Variants in EIF4A3 observed in about 807,000 individuals in gnomAD.
The protein encoded by EIF4A3 is eukaryotic initiation factor 4A-III.
A neutral mutation model predicts 55.6 loss-of-function variants in EIF4A3; 1 was observed. The observed-to-expected ratio is 0.02, with a 90% CI of 0.01 to 0.09. The LOEUF is 0.09. EIF4A3 is among the 10% of genes least tolerant of loss of function. The probability of loss-of-function intolerance (pLI) is 1.00; values close to 1 mark genes in which losing one functional copy is unlikely to be tolerated. For missense variants in EIF4A3, 221 were observed against 540.7 expected, an observed-to-expected ratio of 0.41 and a Z score of 5.86; for synonymous variants, 194 against 196.3, an observed-to-expected ratio of 0.99 and a Z score of 0.10.
intron 7 of EIF4A3, chr17:80,138,767 TTTA>T: frequency 2.2e-6 from 1 of 449,882 alleles, no homozygotes; most frequent in East Asian, 4.3e-5. Flanking sequence ...TGGCTAATTT[TTTA>T]TTATTGGTAG....
Position 80,146,820 on chromosome 17 carries a change from C to G in EIF4A3, c.142G>C (p.Asp48His), listed in dbSNP as rs2039668696. Residue 48 changes from aspartate to histidine, a missense_variant, in exon 1 of 12, where the codon GAC becomes CAC. Around this residue, in one of 4 missense-constraint regions of EIF4A3, gnomAD observed 85 missense variants for 205.8 expected, o/e 0.41. Coordinates refer to ENST00000649764, the MANE Select transcript of EIF4A3 (RefSeq NM_014740.4). Reference sequence around the variant, plus strand: ...TAAGCGTAGATGCCCCGCAGCAGGTCCTCCCGCAGGCCCATGGTGTCGAAC... The same window carrying G: ...TAAGCGTAGATGCCCCGCAGCAGGTGCTCCCGCAGGCCCATGGTGTCGAAC... ...PTFDTMGLRE[D>H]LLRGIYAYGF... 1 of 1,610,566 alleles carries G rather than the reference C, an allele frequency of 6.2e-7. No individual in the cohort carries two copies. Among genetic ancestry groups the G allele is most frequent in the Non-Finnish European group, 8.5e-7 (1 of 1,179,046 alleles).
At chr17:80,136,673 G>C (rs1157462419) in intron 9 of EIF4A3, 3 of 253,098 alleles carry the variant, frequency 1.2e-5, no homozygotes, top group African/African-American at 2.2e-5. Flanking sequence ...ATTAAAAACG[G>C]TAACTTCAGC....
chr17:80,146,750 C>T (rs2039667454), intron 1 of EIF4A3, 43 bp downstream of exon 1: 3 of 1,586,664 alleles, frequency 1.9e-6, no homozygotes, highest in African/African-American at 1.4e-5. Context: ...CGGCTCGCCC[C>T]CGACTCGCCC....
intron 3 of EIF4A3, 184 bp downstream of exon 3, chr17:80,141,598 T>A: frequency 1.4e-6 from 1 of 730,150 alleles, no homozygotes; most frequent in Non-Finnish European, 2.2e-6. Context: ...TCTAGTTAAA[T>A]AGAAAATCAT....
intron 3 of EIF4A3, 129 bp downstream of exon 3, chr17:80,141,652 TG>T: frequency 1.2e-6 from 1 of 859,630 alleles, no homozygotes. Flanking sequence ...TAAGACTCTG[TG>T]TAAAAATTTG....
intron 8 of EIF4A3, 133 bp downstream of exon 8, chr17:80,138,009 C>T (rs2039586951): frequency 1.7e-6 from 2 of 1,208,554 alleles, no homozygotes; most frequent in Admixed American, 2.3e-5. Flanking sequence ...GCTGCTTTTA[C>T]AAGAGAACAC....
Position 80,146,827 on chromosome 17 carries a change from C to T in EIF4A3, c.135G>A (p.Leu45=). The T allele has an allele frequency of 1.9e-6, 3 of 1,610,946 alleles. No individual in the cohort carries two copies. The highest frequency in any genetic ancestry group is 2.2e-5 in the East Asian group (1 of 44,672). The part of the protein sequence containing the change: ...DVTPTFDTMG[L]REDLLRGIYA... ...AGATGCCCCGCAGCAGGTCCTCCCG[C>T]AGGCCCATGGTGTCGAACGTGGGGG... is the stretch of plus-strand genomic sequence containing the variant. Residue 45 remains leucine (L), a synonymous_variant, in exon 1 of 12, where the codon CTG becomes CTA. Transcript: ENST00000649764.
At position 80,139,753 on chromosome 17, in the gene EIF4A3, A is replaced by G. The variant is rs1489016437; in HGVS notation, c.506-3T>C. On this transcript the variant is annotated splice_polypyrimidine_tract_variant and splice_region_variant and intron_variant, in intron 5 of 11. Transcript: ENST00000649764. ...TAGGCTTCTGCGACGAATCATATCT[A>G]TAACATGAGATTTTGAAATACTTAC... 8 of 1,612,020 alleles carry G rather than the reference A, an allele frequency of 5.0e-6. No individual in the cohort carries two copies. Among genetic ancestry groups the G allele is most frequent in the South Asian group, 2.2e-5 (2 of 90,514 alleles).
At chr17:80,140,163 G>A (rs1265712754) in intron 4 of EIF4A3, 23 bp from the exon 5 acceptor site, 8 of 1,560,584 alleles carry the variant, frequency 5.1e-6, no homozygotes, top group Middle Eastern at 3.5e-4. Flanking sequence ...ACAGGTTCAC[G>A]TCCAGGGTGG....
chr17:80,139,188 G>C, intron 6 of EIF4A3, 26 bp from the exon 7 acceptor site: 1 of 1,612,604 alleles, frequency 6.2e-7, no homozygotes, highest in Non-Finnish European at 8.5e-7. Flanking sequence ...AGACAGGTGA[G>C]GGATGTTTAG....
intron 4 of EIF4A3, 33 bp from the exon 5 acceptor site, chr17:80,140,173 G>C: frequency 6.6e-7 from 1 of 1,507,778 alleles, no homozygotes; most frequent in Non-Finnish European, 8.9e-7. Flanking sequence ...GTCCAGGGTG[G>C]GAGAGAGAAA....
rs753145766 is a variant in EIF4A3 at position 80,136,313 on chromosome 17, C to T, written c.1006G>A (p.Val336Ile). The T allele has an allele frequency of 2.5e-6, 4 of 1,614,004 alleles. No individual in the cohort carries two copies. The highest frequency in any genetic ancestry group is 2.2e-5 in the East Asian group (1 of 44,886). ...GASRVLISTD[V>I]WARGLDVPQV... ...GGGACATCCAACCCCCTGGCCCAGA[C>T]ATCTGTAGAAATAAGCACTCGGCTG... Residue 336 changes from valine to isoleucine, a missense_variant, in exon 10 of 12, where the codon GTC (valine) becomes ATC (isoleucine). Val to Ile is a conservative substitution (Grantham distance 29). This residue lies in a region of EIF4A3 where 93 missense variants were observed against 278.5 expected (regional missense o/e 0.33). Transcript: ENST00000649764.
rs2361710 is a variant in EIF4A3 at position 80,138,078 on chromosome 17, T to C, written c.867+64A>G. The C allele has an allele frequency of 0.48, 756,906 of 1,570,144 alleles. 184,373 individuals carry two copies. Among genetic ancestry groups the C allele is most frequent in the East Asian group, 0.65 (28,551 of 44,258 alleles). On this transcript the variant is annotated intron_variant, in intron 8 of 11. Coordinates refer to ENST00000649764, the MANE Select transcript of EIF4A3 (RefSeq NM_014740.4). ...CCCTTTACTGAAAAATCTTGATTTA[T>C]GTCATTCAGAGACTCAATCTGCAGT...
chr17:80,139,036 C>T lies in EIF4A3; in HGVS notation c.713G>A (p.Arg238His), dbSNP rs11559244. Residue 238 changes from arginine (R) to histidine (H), a missense_variant, in exon 7 of 12, where the codon CGC becomes CAC. Transcript: ENST00000649764. ...MTNKFMTDPI[R>H]ILVKRDELTL... is the part of the protein sequence containing the mutation. ...GGGCTCCTACCGTTTCACCAAGATG[C>T]GGATTGGGTCGGTCATGAACTTGTT... The T allele has an allele frequency of 1.9e-6, 3 of 1,613,112 alleles. No homozygotes were observed. The highest frequency in any genetic ancestry group is 1.1e-5 in the South Asian group (1 of 91,016).
intron 1 of EIF4A3, among the ~76,000 whole-genome samples, chr17:80,145,117 G>A (rs2039648967): frequency 6.6e-6 from 1 of 152,180 alleles, no homozygotes; most frequent in African/African-American, 2.4e-5. Context: ...ACATAGATGG[G>A]AAACTAACAA....
rs139730121 is a variant in EIF4A3, at chr17:80,144,509, T to TA, written c.170-266dup. On this transcript the variant is annotated intron_variant, in intron 1 of 11. Transcript: ENST00000649764. ...GTAGAATATAGACAACAGTTTTGTT[T>TA]AAAAAAAAAAAAAAATCTGGGTGTG... Among the ~76,000 whole-genome samples the TA allele has an allele frequency of 2.1e-3, 298 of 144,316 alleles. 2 individuals carry two copies. The highest frequency in any genetic ancestry group is 0.019 in the South Asian group (85 of 4,536). The allele number at this position is 144,316 out of a possible 152,430, so 94.7% of individuals were successfully genotyped here.
At chr17:80,140,773 A>G (rs2039611362) in intron 4 of EIF4A3, among the ~76,000 whole-genome samples, 1 of 152,224 alleles carries the variant, frequency 6.6e-6, no homozygotes, top group African/African-American at 2.4e-5. Flanking sequence ...ACATCTTTAT[A>G]CTACGTTAAG....
chr17:80,147,029 G>GTGCCGCGGCCGACCTCGC lies in EIF4A3; in HGVS notation c.-69_-68insGCGAGGTCGGCCGCGGCA. 8.1e-7 allele frequency: 1 copy of GTGCCGCGGCCGACCTCGC among 1,241,732 alleles called. No individual in the cohort carries two copies. The highest frequency in any genetic ancestry group is 1.0e-6 in the Non-Finnish European group (1 of 971,914). The allele number at this position is 1,241,732 out of a possible 1,614,324, so 76.9% of individuals were successfully genotyped here. ...CCTCGCTGCCGCTGCCGACCTCGCT[G>GTGCCGCGGCCGACCTCGC]TGCCGCTGCCGACCTCGCTGCCGCT... On this transcript the variant is annotated 5_prime_UTR_variant, in exon 1 of 12. Coordinates refer to ENST00000649764, the MANE Select transcript of EIF4A3 (RefSeq NM_014740.4).
chr17:80,139,513 G>A, intron 6 of EIF4A3, 157 bp downstream of exon 6: 1 of 701,070 alleles, frequency 1.4e-6, no homozygotes, highest in East Asian at 2.8e-5. Flanking sequence ...ATCAAGGTAG[G>A]AATTTTTTGT....
Sources: gnomAD v4.1 joint callset for allele counts (sites outside exome capture counted in the v4.1 genomes callset) on GRCh38, gnomAD v4.1.1 for gene constraint, gnomAD v4.1.1 regional missense constraint, MANE v1.5 for transcripts, NCBI Gene and HGNC (gene_info 2026-07-23, HGNC 2026-07-21) for gene names.